Variants in ARSJ observed in about 807,000 individuals in gnomAD.
ARSJ encodes arylsulfatase family member J.
Under a neutral mutation model 35.9 loss-of-function variants are expected in ARSJ, and 26 were observed. That is an observed-to-expected ratio of 0.72 (90% CI 0.53 to 1.00). The LOEUF (loss-of-function observed/expected upper bound fraction) is 1.00, where lower values mean the gene tolerates loss of function less well. Among genes scored for constraint, ARSJ ranks in the 50% least tolerant of loss-of-function variants. ARSJ has a pLI of 0.00. For missense variants in ARSJ, 667 were observed against 723.6 expected (o/e 0.92, Z 0.90); for synonymous variants, 294 against 267.6 (o/e 1.10, Z -0.96).
At chr4:113,969,386 A>G (rs1727099187) in intron 1 of ARSJ, among the ~76,000 whole-genome samples, 1 of 152,224 alleles carries the variant, frequency 6.6e-6, no homozygotes, top group South Asian at 2.1e-4. Flanking sequence ...TCAACAGATT[A>G]AAATTGGATG....
rs551329248 is a variant in ARSJ, at chr4:113,925,498, T to C, written c.399-21823A>G. On this transcript the variant is annotated intron_variant, in intron 1 of 1. Coordinates refer to ENST00000315366, the MANE Select transcript of ARSJ (RefSeq NM_024590.4). Reference sequence around the variant, plus strand: ...AACTTTGCCCCAGCCCTGCAAAGTATTGTCACCTAGTTAGCGTTGTAATTG... The same window carrying C: ...AACTTTGCCCCAGCCCTGCAAAGTACTGTCACCTAGTTAGCGTTGTAATTG... Among the ~76,000 whole-genome samples, 7 of 152,254 alleles carry C rather than the reference T, an allele frequency of 4.6e-5. No homozygotes were observed. In the South Asian group the frequency reaches 1.5e-3, roughly 32 times the overall value.
chr4:113,969,574 G>A (rs969486843), intron 1 of ARSJ, among the ~76,000 whole-genome samples: 7 of 152,062 alleles, frequency 4.6e-5, no homozygotes, highest in Non-Finnish European at 8.8e-5. Context: ...CAATTGATGA[G>A]TAGAATAACT....
At chr4:113,969,971 T>C (rs1251507491) in intron 1 of ARSJ, among the ~76,000 whole-genome samples, 3 of 152,188 alleles carry the variant, frequency 2.0e-5, no homozygotes, top group African/African-American at 7.2e-5. Flanking sequence ...TCATGCCTAA[T>C]GAGACAGTTA....
At chr4:113,973,759 T>C (rs932942178) in intron 1 of ARSJ, among the ~76,000 whole-genome samples, 2 of 152,162 alleles carry the variant, frequency 1.3e-5, no homozygotes, top group African/African-American at 4.8e-5. Context: ...CAAAACCAAA[T>C]CTTCCAAGCT....
intron 1 of ARSJ, chr4:113,970,979 A>T (rs1727209333): frequency 6.6e-6 from 1 of 152,042 alleles, no homozygotes; most frequent in South Asian, 2.1e-4. Flanking sequence ...AAATAAAAAT[A>T]AAAAATAAAA....
At position 113,903,120 on chromosome 4, in the gene ARSJ, G is replaced by A. The variant is rs543383431; in HGVS notation, c.954C>T (p.Asn318=). The change falls in exon 2 of 2, where the codon AAC becomes AAT. Residue 318 remains asparagine, a synonymous_variant. Transcript: ENST00000315366. The stretch of plus-strand genomic sequence containing the variant: ...CTGAAGAGTAAATGATAATGCTGTT[G>A]TTATAGAAACCATAAGTCTTTAGAG... ...TLALKTYGFY[N]NSIIIYSSDN... is the part of the protein sequence containing the mutation. 18 of 1,614,182 alleles carry A rather than the reference G, an allele frequency of 1.1e-5. No individual in the cohort carries two copies. The African/African-American group carries it at 2.1e-4, about 19-fold the overall frequency.
chr4:113,902,904 T>C lies in ARSJ; in HGVS notation c.1170A>G (p.Gly390=), dbSNP rs771024927. 44 of 1,614,216 alleles carry C rather than the reference T, an allele frequency of 2.7e-5. No individual in the cohort carries two copies. In the East Asian group the frequency reaches 9.6e-4, roughly 35 times the overall value. Residue 390 remains glycine (G), a synonymous_variant, in exon 2 of 2, where the codon GGA becomes GGG. Transcript: ENST00000315366. ...CTAGTTGAATGTCCTCATCAATCTG[T>C]CCTTCAGCCAGTGAAATGAGAGTGG... ...WYPTLISLAE[G]QIDEDIQLDG...
rs761640751 is a variant in ARSJ at position 113,902,139 on chromosome 4, C to G, written c.*135G>C. On this transcript the variant is annotated 3_prime_UTR_variant, in exon 2 of 2. Transcript: ENST00000315366. Reference sequence around the variant, plus strand: ...TGTGGCGGCCAGGTGGCAGAAGTCTCTGGAGTGGCACAGCATGAAAACAAG... The same window carrying G: ...TGTGGCGGCCAGGTGGCAGAAGTCTGTGGAGTGGCACAGCATGAAAACAAG... The G allele has an allele frequency of 3.1e-6, 5 of 1,597,000 alleles. No homozygotes were observed. The highest frequency in any genetic ancestry group is 4.2e-6 in the Non-Finnish European group (5 of 1,179,210).
At chr4:113,938,851 A>C (rs1724936184) in intron 1 of ARSJ, among the ~76,000 whole-genome samples, 1 of 152,066 alleles carries the variant, frequency 6.6e-6, no homozygotes, top group Non-Finnish European at 1.5e-5. Context: ...AGAAATGCAT[A>C]TCAAAACCCC....
intron 1 of ARSJ, among the ~76,000 whole-genome samples, chr4:113,965,961 C>T (rs981936760): frequency 6.6e-6 from 1 of 151,892 alleles, no homozygotes. Context: ...AATCTTTAAC[C>T]TCATAATGTT....
chr4:113,910,960 C>T (rs759532801), intron 1 of ARSJ, among the ~76,000 whole-genome samples: 11 of 152,140 alleles, frequency 7.2e-5, no homozygotes, highest in Non-Finnish European at 1.3e-4. Context: ...GGCCATGTTT[C>T]ATTTGAGTTT....
At chr4:113,928,844 G>T (rs867798689) in intron 1 of ARSJ, among the ~76,000 whole-genome samples, 1 of 152,144 alleles carries the variant, frequency 6.6e-6, no homozygotes, top group Non-Finnish European at 1.5e-5. Context: ...GACCCTCCCA[G>T]TTGGGATGAG....
intron 1 of ARSJ, among the ~76,000 whole-genome samples, chr4:113,913,571 T>C (rs902174716): frequency 1.3e-5 from 2 of 152,186 alleles, no homozygotes; most frequent in Non-Finnish European, 2.9e-5. Flanking sequence ...TTTATAAGAT[T>C]ACTTACAGAA....
chr4:113,914,762 C>T (rs540919973), intron 1 of ARSJ, among the ~76,000 whole-genome samples: 8 of 152,010 alleles, frequency 5.3e-5, no homozygotes, highest in Non-Finnish European at 1.0e-4. Flanking sequence ...TACTGTACTG[C>T]GGAGAAACAT....
rs536074217 is a variant in ARSJ at position 113,907,350 on chromosome 4, T to C, written c.399-3675A>G. On this transcript the variant is annotated intron_variant, in intron 1 of 1. Coordinates refer to ENST00000315366, the MANE Select transcript of ARSJ (RefSeq NM_024590.4). The stretch of plus-strand genomic sequence containing the variant: ...GAAAAGTCCTGCCAAGTTAGCTTCA[T>C]TGTCTTTTTTTAAAAAGGATCAGCA... Among the ~76,000 whole-genome samples the C allele has an allele frequency of 3.9e-5, 6 of 152,326 alleles. No homozygotes were observed. In the East Asian group the frequency reaches 1.2e-3, roughly 29 times the overall value.
chr4:113,969,402 T>C (rs1039436622), intron 1 of ARSJ, among the ~76,000 whole-genome samples: 4 of 152,136 alleles, frequency 2.6e-5, no homozygotes, highest in African/African-American at 4.8e-5. Flanking sequence ...GGATGAGAGC[T>C]ATGACTATAC....
intron 1 of ARSJ, among the ~76,000 whole-genome samples, chr4:113,938,211 T>C (rs192378326): frequency 3.5e-4 from 53 of 152,038 alleles, no homozygotes; most frequent in African/African-American, 9.9e-4. Context: ...TGGAACAGAA[T>C]AGATAACTCA....
intron 1 of ARSJ, among the ~76,000 whole-genome samples, chr4:113,930,613 T>A (rs1724375828): frequency 1.3e-5 from 2 of 152,192 alleles, no homozygotes; most frequent in South Asian, 2.1e-4. Context: ...ACATTTTTTT[T>A]ATAACTTAAT....
At chr4:113,943,804 G>T (rs1725308630) in intron 1 of ARSJ, among the ~76,000 whole-genome samples, 1 of 151,966 alleles carries the variant, frequency 6.6e-6, no homozygotes, top group African/African-American at 2.4e-5. Flanking sequence ...CCTGAGCTGG[G>T]AATCAGATCA....
Sources: gnomAD v4.1 joint callset for allele counts (sites outside exome capture counted in the v4.1 genomes callset) on GRCh38, gnomAD v4.1.1 for gene constraint, MANE v1.5 for transcripts, NCBI Gene and HGNC (gene_info 2026-07-23, HGNC 2026-07-21) for gene names.